Variants in COMTD1 observed in about 807,000 individuals in gnomAD.
The protein encoded by COMTD1 is catechol O-methyltransferase domain-containing protein 1.
In COMTD1, 35 loss-of-function variants were observed where a neutral mutation model predicts 33.6. The observed-to-expected ratio is 1.04, with a 90% CI of 0.80 to 1.38. COMTD1 has a LOEUF of 1.38. Ranked by LOEUF, COMTD1 falls within the 40% of genes most tolerant of loss-of-function variation. The pLI is 0.00. For missense variants in COMTD1, 370 were observed against 363.4 expected (o/e 1.02, Z -0.15); for synonymous variants, 160 against 176.8 (o/e 0.91, Z 0.75).
Position 75,235,183 on chromosome 10 carries a change from G to T in COMTD1, c.329-5C>A. Reference sequence around the variant, plus strand: ...CGGAGTAGCCCGTGAAGGTGCCTGGGACCAGGACACAGACGGGCTCAGCCC... The same window carrying T: ...CGGAGTAGCCCGTGAAGGTGCCTGGTACCAGGACACAGACGGGCTCAGCCC... On this transcript the variant is annotated splice_region_variant and splice_polypyrimidine_tract_variant and intron_variant, in intron 3 of 6. Coordinates refer to ENST00000372538, the MANE Select transcript of COMTD1 (RefSeq NM_144589.4). The T allele has an allele frequency of 7.1e-7, 1 of 1,418,226 alleles. No individual in the cohort carries two copies. 87.9% of individuals were successfully genotyped at this position (1,418,226 alleles called of 1,614,324 possible). A position where few individuals can be genotyped will look rare whatever the true frequency, so the allele number is the denominator to read the frequency against.
chr10:75,234,518 G>A (rs1842159052), intron 6 of COMTD1, 92 bp downstream of exon 6: 2 of 1,471,804 alleles, frequency 1.4e-6, no homozygotes, highest in Non-Finnish European at 9.1e-7. Context: ...GACTGGACTG[G>A]GTGGGGCTTT....
At chr10:75,235,020 GC>G (rs1377459671) in intron 4 of COMTD1, 28 bp from the exon 5 acceptor site, 5 of 1,490,194 alleles carry the variant, frequency 3.4e-6, no homozygotes, top group Admixed American at 5.3e-5. Flanking sequence ...CAGCCGTTGC[GC>G]CCCCGCCTGG....
Position 75,235,041 on chromosome 10 carries a change from G to A in COMTD1, c.447+19C>T, listed in dbSNP as rs1388742272. 2 of 1,460,658 alleles carry A rather than the reference G, an allele frequency of 1.4e-6. No homozygotes were observed. Among genetic ancestry groups the A allele is most frequent in the Non-Finnish European group, 9.0e-7 (1 of 1,110,390 alleles). 90.5% of individuals were successfully genotyped at this position (1,460,658 alleles called of 1,614,324 possible). ...TTGCGCCCCCGCCTGGGGCTGCAGA[G>A]CTAGGCGCGGGCGCTCACCTGCCTC... On this transcript the variant is annotated intron_variant, in intron 4 of 6. Coordinates refer to ENST00000372538, the MANE Select transcript of COMTD1 (RefSeq NM_144589.4).
In COMTD1 at chr10:75,235,678, G is replaced by A; in HGVS notation, c.160C>T (p.Leu54=). ...GAGCGGCTCAGAAGATACTGCCACAGGCGGCTGTCCTCGGGGGGAAGCAGG... is the reference window on the plus strand; with the variant it reads ...GAGCGGCTCAGAAGATACTGCCACAAGCGGCTGTCCTCGGGGGGAAGCAGG... ...QCLLPPEDSR[L]WQYLLSRSMR... is the part of the protein sequence containing the mutation. The change falls in exon 2 of 7, where the codon CTG becomes TTG. Residue 54 remains leucine (L), a synonymous_variant. Transcript: ENST00000372538. The A allele has an allele frequency of 6.3e-7, 1 of 1,598,260 alleles. No homozygotes were observed. The highest frequency in any genetic ancestry group is 1.3e-5 in the African/African-American group (1 of 74,630).
chr10:75,234,155 T>C lies in COMTD1; in HGVS notation c.707A>G (p.Asn236Ser). Residue 236 changes from asparagine to serine, a missense_variant, in exon 7 of 7, where the codon AAC becomes AGC. By Grantham distance (46) the Asn-to-Ser change is conservative (BLOSUM62 1). Coordinates refer to ENST00000372538, the MANE Select transcript of COMTD1 (RefSeq NM_144589.4). ...CCTGACGTCCCGCCGGATGCGTTCG[T>C]TTAGGTTTCGCACACACTCGGCCGC... ...DVAAECVRNL[N>S]ERIRRDVRVY... The C allele has an allele frequency of 4.3e-6, 7 of 1,613,538 alleles. No individual in the cohort carries two copies. Among genetic ancestry groups the C allele is most frequent in the Non-Finnish European group, 5.9e-6 (7 of 1,179,964 alleles).
At position 75,234,223 on chromosome 10, in the gene COMTD1, G is replaced by A. The variant is rs150318544; in HGVS notation, c.639C>T (p.Val213=). The stretch of plus-strand genomic sequence containing the variant: ...GTTGCAGCACCTTCCCGCGCCACAG[G>A]ACCTGCGGGAGGGCGGGGCCAACCG... The part of the protein sequence containing the change: ...RPGGILAVLR[V]LWRGKVLQPP... The change falls in exon 7 of 7, where the codon GTC becomes GTT. Residue 213 remains valine, a splice_region_variant and synonymous_variant. Coordinates refer to ENST00000372538, the MANE Select transcript of COMTD1 (RefSeq NM_144589.4). 2.5e-6 allele frequency: 4 copies of A among 1,609,626 alleles called. No individual in the cohort carries two copies. The highest frequency in any genetic ancestry group is 1.6e-4 in the Middle Eastern group (1 of 6,076).
rs556159586 is a variant in COMTD1 at position 75,235,520 on chromosome 10, CCCAGGGAGGG to C, written c.222+86_222+95del. On this transcript the variant is annotated intron_variant, in intron 2 of 6. Coordinates refer to ENST00000372538, the MANE Select transcript of COMTD1 (RefSeq NM_144589.4). Reference sequence around the variant, plus strand: ...GCACCCGGCCCAGGGAAGCCGGAAGCCCAGGGAGGGCCAGGGCCCAGCCCAAGGTCACACA... The same window carrying C: ...GCACCCGGCCCAGGGAAGCCGGAAGCCCAGGGCCCAGCCCAAGGTCACACA... 1.9e-3 allele frequency: 2,693 copies of C among 1,422,108 alleles called. 40 individuals are homozygous for C. In the African/African-American group the frequency reaches 0.035, roughly 19 times the overall value. The allele number at this position is 1,422,108 out of a possible 1,614,324, so 88.1% of individuals were successfully genotyped here. A position where few individuals can be genotyped will look rare whatever the true frequency, so the allele number is the denominator to read the frequency against.
At position 75,234,205 on chromosome 10, in the gene COMTD1, C is replaced by A. The variant is rs750938467; in HGVS notation, c.657G>T (p.Val219=). 6.2e-7 allele frequency: 1 copy of A among 1,612,280 alleles called. No individual in the cohort carries two copies. The highest frequency in any genetic ancestry group is 1.3e-5 in the African/African-American group (1 of 74,942). Residue 219 remains valine, a synonymous_variant, in exon 7 of 7, where the codon GTG becomes GTT. Transcript: ENST00000372538. The stretch of plus-strand genomic sequence containing the variant: ...CCACGTCCCCTTTCGGAGGTTGCAG[C>A]ACCTTCCCGCGCCACAGGACCTGCG... ...AVLRVLWRGK[V]LQPPKGDVAA... is the part of the protein sequence containing the mutation.
In COMTD1 at chr10:75,234,190, T is replaced by G. The variant is rs117429494; in HGVS notation, c.672A>C (p.Lys224Asn). 2.9e-4 allele frequency: 467 copies of G among 1,613,322 alleles called. 1 individual carries two copies. Among genetic ancestry groups the G allele is most frequent in the Middle Eastern group, 6.6e-4 (4 of 6,062 alleles). ...GCACACACTCGGCCGCCACGTCCCC[T>G]TTCGGAGGTTGCAGCACCTTCCCGC... ...LWRGKVLQPP[K>N]GDVAAECVRN... The change falls in exon 7 of 7, where the codon AAA becomes AAC. Residue 224 changes from lysine to asparagine, a missense_variant. Lys to Asn is a moderately conservative substitution (Grantham distance 94). Transcript: ENST00000372538.
chr10:75,235,361 C>T lies in COMTD1; in HGVS notation c.234G>A (p.Glu78=). Residue 78 remains glutamate (E), a synonymous_variant, in exon 3 of 7, where the codon GAG becomes GAA. Coordinates refer to ENST00000372538, the MANE Select transcript of COMTD1 (RefSeq NM_144589.4). ...TCATCATAGAATCCCCCTGCGGCTG[C>T]TCCAGGGTCAGCTGCGTGAAAGGAG... ...ALRSLRLLTL[E]QPQGDSMMTC... 1 of 1,573,656 alleles carries T rather than the reference C, an allele frequency of 6.4e-7. No homozygotes were observed. Among genetic ancestry groups the T allele is most frequent in the Admixed American group, 1.8e-5 (1 of 55,352 alleles).
In COMTD1 at chr10:75,233,923, G is replaced by T; in HGVS notation, c.*150C>A. On this transcript the variant is annotated 3_prime_UTR_variant, in exon 7 of 7. Coordinates refer to ENST00000372538, the MANE Select transcript of COMTD1 (RefSeq NM_144589.4). Reference sequence around the variant, plus strand: ...TGAAGGCAGGAGCTGTCTGTGCTGGGCCTTCCCTCCCTTCCCCATCCAGCG... The same window carrying T: ...TGAAGGCAGGAGCTGTCTGTGCTGGTCCTTCCCTCCCTTCCCCATCCAGCG... 1 of 1,517,862 alleles carries T rather than the reference G, an allele frequency of 6.6e-7. No homozygotes were observed. The highest frequency in any genetic ancestry group is 8.8e-7 in the Non-Finnish European group (1 of 1,137,554). The allele number at this position is 1,517,862 out of a possible 1,614,324, so 94.0% of individuals were successfully genotyped here. A position where few individuals can be genotyped will look rare whatever the true frequency, so the allele number is the denominator to read the frequency against.
intron 3 of COMTD1, 25 bp from the exon 4 acceptor site, chr10:75,235,203 C>T: frequency 6.9e-7 from 1 of 1,445,654 alleles, no homozygotes; most frequent in South Asian, 1.4e-5. Flanking sequence ...CAGACGGGCT[C>T]AGCCCAGAGT....
Position 75,235,719 on chromosome 10 carries a change from C to G in COMTD1, c.119G>C (p.Gly40Ala). ...GGGAAGCAGGCACTGCTCTCGCCGG[C>G]CTCGCCATGGGGGGCACCGCCTCCC... ...FLGRRCPPWR[G>A]RREQCLLPPE... The change falls in exon 2 of 7, where the codon GGC (glycine) becomes GCC (alanine). Residue 40 changes from glycine (G) to alanine (A), a missense_variant. By Grantham distance (60) the Gly-to-Ala change is moderately conservative (BLOSUM62 0). Transcript: ENST00000372538. 1 of 1,601,050 alleles carries G rather than the reference C, an allele frequency of 6.2e-7. No homozygotes were observed. The highest frequency in any genetic ancestry group is 8.5e-7 in the Non-Finnish European group (1 of 1,175,236).
intron 2 of COMTD1, 40 bp from the exon 3 acceptor site, chr10:75,235,412 C>T: frequency 7.0e-7 from 1 of 1,438,180 alleles, no homozygotes; most frequent in Non-Finnish European, 9.3e-7. Flanking sequence ...ATGCAGGTCA[C>T]CCACCTTCGC....
intron 6 of COMTD1, 162 bp downstream of exon 6, chr10:75,234,448 C>G: frequency 8.1e-7 from 1 of 1,228,298 alleles, no homozygotes. Context: ...GGAGACAGAA[C>G]CAAAGCGGAG....
Position 75,235,129 on chromosome 10 carries a change from C to G in COMTD1, c.378G>C (p.Ala126=), listed in dbSNP as rs534217498. Residue 126 remains alanine, a synonymous_variant, in exon 4 of 7, where the codon GCG becomes GCC. Transcript: ENST00000372538. The stretch of plus-strand genomic sequence containing the variant: ...CCTCGCAGGTCACCACGCGCCCGTC[C>G]GCGGGCAGCGCCAGGGCCAGGGCCA... ...SALALALALP[A]DGRVVTCEVD... 3.6e-5 allele frequency: 50 copies of G among 1,401,444 alleles called. 2 individuals carry two copies. The African/African-American group carries it at 4.4e-4, about 12-fold the overall frequency. 86.8% of individuals were successfully genotyped at this position (1,401,444 alleles called of 1,614,324 possible).
intron 2 of COMTD1, 65 bp from the exon 3 acceptor site, chr10:75,235,437 G>GC: frequency 5.9e-6 from 8 of 1,350,662 alleles, no homozygotes; most frequent in Non-Finnish European, 7.9e-6. Context: ...GGGGTCCCAA[G>GC]CCCCAGGGGC....
intron 1 of COMTD1, 37 bp downstream of exon 1, chr10:75,235,798 C>CG: frequency 5.2e-6 from 3 of 573,382 alleles, no homozygotes; most frequent in Non-Finnish European, 9.3e-6. Context: ...CTACTCTGCG[C>CG]CCGCCCACCC....
rs1842174035 is a variant in COMTD1, at chr10:75,235,268, C to G, written c.327G>C (p.Leu109=). ...RLIQAKKALD[L]GTFTGYSALA... is the part of the protein sequence containing the mutation. ...GGGATCCCGGCCGCGTGCCCCTACC[C>G]AGGTCCAGCGCCTTCTTGGCCTGGA... The change falls in exon 3 of 7, where the codon CTG becomes CTC. Residue 109 remains leucine (L), a splice_region_variant and synonymous_variant. Transcript: ENST00000372538. 1 of 1,556,660 alleles carries G rather than the reference C, an allele frequency of 6.4e-7. No individual in the cohort carries two copies. The highest frequency in any genetic ancestry group is 2.4e-5 in the East Asian group (1 of 42,444).
Sources: allele counts gnomAD v4.1 joint callset, GRCh38; gene constraint gnomAD v4.1.1; transcripts MANE v1.5; gene names NCBI Gene and HGNC (gene_info 2026-07-23, HGNC 2026-07-21).